ITSN2: variants seen among roughly 807,000 people sequenced by gnomAD.
ITSN2 encodes intersectin-2.
In ITSN2, 156 loss-of-function variants were observed where a neutral mutation model predicts 243.7. That is an observed-to-expected ratio of 0.64 (90% CI 0.56 to 0.73). ITSN2 has a LOEUF of 0.73. Ranked by LOEUF, ITSN2 falls within the 30% of genes least tolerant of loss-of-function variation. The pLI, the probability that ITSN2 is intolerant of heterozygous loss-of-function variation, is 0.00. For synonymous variants in ITSN2, 703 were observed against 699.9 expected (o/e 1.00, Z -0.07); for missense variants, 1,801 against 1,996.1 (o/e 0.90, Z 1.86).
At position 24,308,274 on chromosome 2, in the gene ITSN2, G is replaced by A. The variant is rs561373820; in HGVS notation, c.793+343C>T. Among the ~76,000 whole-genome samples, 10 of 152,330 alleles carry A rather than the reference G, an allele frequency of 6.6e-5. No individual in the cohort carries two copies. In the South Asian group the frequency reaches 8.3e-4, roughly 13 times the overall value. ...GGAGGATTCTCAGGAAAAGTGAGCT[G>A]AGGCTAAGTTCCACACACTCTCTCT... On this transcript the variant is annotated intron_variant, in intron 8 of 39. Coordinates refer to ENST00000355123, the MANE Select transcript of ITSN2 (RefSeq NM_006277.3).
chr2:24,310,296 A>G lies in ITSN2; in HGVS notation c.641T>C (p.Leu214Ser). The change falls in exon 7 of 40, where the codon TTA (leucine) becomes TCA (serine). Residue 214 changes from leucine to serine, a missense_variant. By Grantham distance (145) the Leu-to-Ser change is moderately radical. This residue lies in a region of ITSN2 where 787 missense variants were observed against 803.9 expected (regional missense o/e 0.98). Transcript: ENST00000355123. ...SIQKAQSLID[L>S]GSSSSTSSTA... ...TAGCTATTCATACCTACTAGATCCT[A>G]AATCAATCAGAGACTGCGCTTTCTG... 6.2e-7 allele frequency: 1 copy of G among 1,611,188 alleles called. No individual in the cohort carries two copies. Among genetic ancestry groups the G allele is most frequent in the Non-Finnish European group, 8.5e-7 (1 of 1,177,798 alleles).
intron 1 of ITSN2, among the ~76,000 whole-genome samples, chr2:24,350,785 T>C (rs925933738): frequency 6.6e-5 from 10 of 152,190 alleles, no homozygotes; most frequent in Admixed American, 2.0e-4. Context: ...ATATGAAATG[T>C]CTAGGATAGG....
At chr2:24,217,200 G>A (rs1372218617) in intron 31 of ITSN2, among the ~76,000 whole-genome samples, 1 of 151,872 alleles carries the variant, frequency 6.6e-6, no homozygotes, top group Non-Finnish European at 1.5e-5. Flanking sequence ...AGTGAGCTGA[G>A]ACTGTGCCAC....
chr2:24,252,728 TAG>T (rs1674509718), intron 24 of ITSN2, among the ~76,000 whole-genome samples: 1 of 152,020 alleles, frequency 6.6e-6, no homozygotes, highest in Admixed American at 6.6e-5. Flanking sequence ...CATAAAACTT[TAG>T]AGTTTCTTTT....
intron 32 of ITSN2, among the ~76,000 whole-genome samples, chr2:24,214,768 T>C (rs1021486897): frequency 6.6e-6 from 1 of 152,200 alleles, no homozygotes; most frequent in Non-Finnish European, 1.5e-5. Flanking sequence ...TTCTAATTTC[T>C]ATTCTCTGCC....
intron 1 of ITSN2, among the ~76,000 whole-genome samples, chr2:24,350,819 G>A (rs2151940648): frequency 6.6e-6 from 1 of 152,236 alleles, no homozygotes; most frequent in Non-Finnish European, 1.5e-5. Flanking sequence ...ACAGAAAGTA[G>A]ACTAGTGGCT....
chr2:24,252,363 G>C lies in ITSN2; in HGVS notation c.3102C>G (p.Val1034=), dbSNP rs368584683. ...DRSGIFPSNY[V]KPKDQESFGS... ...AAAATACCTCTTGATCCTTTGGTTT[G>C]ACATAGTTTGATGGAAAAATTCCAC... Residue 1034 remains valine, a synonymous_variant, in exon 25 of 40, where the codon GTC becomes GTG. Transcript: ENST00000355123. 8.7e-6 allele frequency: 14 copies of C among 1,611,632 alleles called. No homozygotes were observed. The African/African-American group carries it at 1.5e-4, about 17-fold the overall frequency.
chr2:24,232,771 C>T (rs923957785), intron 29 of ITSN2, among the ~76,000 whole-genome samples: 5 of 152,164 alleles, frequency 3.3e-5, no homozygotes, highest in African/African-American at 1.2e-4. Context: ...ATATCTAAAT[C>T]TAGGTAACTT....
chr2:24,346,622 CTGATA>C (rs1378584038), intron 1 of ITSN2, among the ~76,000 whole-genome samples: 2 of 152,036 alleles, frequency 1.3e-5, no homozygotes, highest in East Asian at 3.8e-4. Context: ...ATGTACCATA[CTGATA>C]TAAGATATTA....
intron 30 of ITSN2, among the ~76,000 whole-genome samples, chr2:24,219,108 A>G (rs1670219683): frequency 1.3e-5 from 2 of 152,164 alleles, no homozygotes; most frequent in African/African-American, 4.8e-5. Flanking sequence ...CTCCTGGAGT[A>G]GCAAACTTGT....
intron 29 of ITSN2, among the ~76,000 whole-genome samples, chr2:24,229,141 C>G (rs1043518514): frequency 5.3e-5 from 8 of 151,634 alleles, no homozygotes; most frequent in Admixed American, 2.6e-4. Flanking sequence ...CCCCACCTCC[C>G]TCCAAAAAAA....
At position 24,225,174 on chromosome 2, in the gene ITSN2, A is replaced by G. The variant is rs548507246; in HGVS notation, c.3578-4108T>C. 9.2e-5 allele frequency among the ~76,000 whole-genome samples: 14 copies of G among 151,794 alleles called. No homozygotes were observed. Among genetic ancestry groups the G allele is most frequent in the Admixed American group, 5.9e-4 (9 of 15,280 alleles). On this transcript the variant is annotated intron_variant, in intron 29 of 39. Coordinates refer to ENST00000355123, the MANE Select transcript of ITSN2 (RefSeq NM_006277.3). The surrounding 1 kb of genome is among the most constrained non-coding windows in gnomAD (Gnocchi z 4.2). ...GCCCCTCCCTTTCCTTCACGCTTCT[A>G]TGTTCACTCTTCGCCATTTCCTTCT...
At chr2:24,306,255 C>A (rs1037834471) in intron 8 of ITSN2, among the ~76,000 whole-genome samples, 2 of 152,172 alleles carry the variant, frequency 1.3e-5, no homozygotes, top group African/African-American at 4.8e-5. Flanking sequence ...GTTGGAATTA[C>A]AGGTGTGAGC....
chr2:24,311,597 T>C (rs1412975904), intron 5 of ITSN2: 4 of 167,206 alleles, frequency 2.4e-5, no homozygotes, highest in Admixed American at 6.5e-5. Context: ...TTCAGATACA[T>C]AGACATACCT....
Position 24,299,937 on chromosome 2 carries a change from T to G in ITSN2, c.1316A>C (p.Glu439Ala), listed in dbSNP as rs902136959. 1.9e-6 allele frequency: 3 copies of G among 1,611,352 alleles called. No individual in the cohort carries two copies. In the African/African-American group the frequency reaches 4.0e-5, roughly 22 times the overall value. ...TCGTCTTTCTATGTCTTTTCTCCTT[T>G]CTTCCTCTCGTTGTCTCTCCAATTC... is the stretch of plus-strand genomic sequence containing the variant. ...QRELERQREEERRKDIERREA... is the reference protein window; with the variant it reads ...QRELERQREEARRKDIERREA... The change falls in exon 12 of 40, where the codon GAA (glutamate) becomes GCA (alanine). Residue 439 changes from glutamate (E) to alanine (A), a missense_variant. This residue lies in a region of ITSN2 where 787 missense variants were observed against 803.9 expected (regional missense o/e 0.98). Coordinates refer to ENST00000355123, the MANE Select transcript of ITSN2 (RefSeq NM_006277.3).
chr2:24,277,106 G>A (rs72855422), intron 17 of ITSN2, among the ~76,000 whole-genome samples: 1,847 of 152,088 alleles, frequency 0.012, 33 homozygotes, highest in African/African-American at 0.043. Context: ...TCACTCATTA[G>A]CTTAACTATT....
intron 33 of ITSN2, 94 bp downstream of exon 33, chr2:24,212,556 T>C: frequency 3.4e-6 from 3 of 879,418 alleles, no homozygotes. Context: ...CAGGGTGAGG[T>C]GGCATGCTCA....
At position 24,204,944 on chromosome 2, in the gene ITSN2, C is replaced by T. The variant is rs757332867; in HGVS notation, c.4762+270G>A. 2.1e-5 allele frequency: 8 copies of T among 374,536 alleles called. No homozygotes were observed. Among genetic ancestry groups the T allele is most frequent in the African/African-American group, 4.2e-5 (2 of 47,466 alleles). The allele number at this position is 374,536 out of a possible 1,614,324, so 23.2% of individuals were successfully genotyped here. On this transcript the variant is annotated intron_variant, in intron 38 of 39. Coordinates refer to ENST00000355123, the MANE Select transcript of ITSN2 (RefSeq NM_006277.3). The surrounding 1 kb of genome is among the most constrained non-coding windows in gnomAD (Gnocchi z 5.1). The stretch of plus-strand genomic sequence containing the variant: ...GGCAGATCACTTGAGGTCAGGAGTT[C>T]GAGACCAGCCTGGCCAACATGGTGA...
rs1173730766 is a variant in ITSN2 at position 24,246,217 on chromosome 2, A to G, written c.3489T>C (p.Asp1163=). The part of the protein sequence containing the change: ...LINVMNKDDP[D]WWQGEINGVT... ...CCCCGTTGATCTCTCCTTGCCACCAATCAGGATCATCTTTGTTCATAACAT... is the reference window on the plus strand; with the variant it reads ...CCCCGTTGATCTCTCCTTGCCACCAGTCAGGATCATCTTTGTTCATAACAT... The change falls in exon 29 of 40, where the codon GAT becomes GAC. Residue 1163 remains aspartate, a synonymous_variant. Coordinates refer to ENST00000355123, the MANE Select transcript of ITSN2 (RefSeq NM_006277.3). The G allele has an allele frequency of 1.4e-5, 22 of 1,613,452 alleles. No homozygotes were observed. Among genetic ancestry groups the G allele is most frequent in the Non-Finnish European group, 1.7e-5 (20 of 1,179,440 alleles).
Sources: allele counts gnomAD v4.1 joint callset (sites outside exome capture counted in the v4.1 genomes callset), GRCh38; gene constraint gnomAD v4.1.1; regional missense constraint gnomAD v4.1.1; non-coding constraint Gnocchi (gnomAD v3.1); transcripts MANE v1.5; gene names NCBI Gene and HGNC (gene_info 2026-07-23, HGNC 2026-07-21).